Variants in PRKG1 observed in about 807,000 individuals in gnomAD.
PRKG1 encodes protein kinase cGMP-dependent 1, also known as cGMP-dependent protein kinase 1.
A neutral mutation model predicts 88.1 loss-of-function variants in PRKG1; 35 were observed. The ratio of observed to expected loss-of-function variants is 0.40; its 90% CI spans 0.30 to 0.53. PRKG1 has a LOEUF of 0.53. PRKG1 is among the 20% of genes least tolerant of loss of function. The probability of loss-of-function intolerance (pLI) is 0.59; values close to 1 mark genes in which losing one functional copy is unlikely to be tolerated. For synonymous variants in PRKG1, 303 were observed against 292.5 expected, an observed-to-expected ratio of 1.04 and a Z score of -0.37; for missense variants, 540 against 839.8, an observed-to-expected ratio of 0.64 and a Z score of 4.41.
At chr10:51,562,740 T>A (rs1391189617) in intron 3 of PRKG1, among the ~76,000 whole-genome samples, 1 of 152,080 alleles carries the variant, frequency 6.6e-6, no homozygotes, top group Non-Finnish European at 1.5e-5. Context: ...CATTTATCAA[T>A]GTTATTTTTA....
chr10:52,218,210 C>CAA (rs35778588), intron 9 of PRKG1, among the ~76,000 whole-genome samples: 134 of 95,152 alleles, frequency 1.4e-3, no homozygotes, highest in Admixed American at 2.2e-3. Flanking sequence ...GACTCCATCT[C>CAA]AAAAAAAAAA....
At chr10:51,502,356 A>G (rs1841053764) in intron 3 of PRKG1, among the ~76,000 whole-genome samples, 1 of 152,148 alleles carries the variant, frequency 6.6e-6, no homozygotes, top group Admixed American at 6.6e-5. Flanking sequence ...GCTCAGTTTC[A>G]TCAAGTGCCA....
At chr10:51,906,801 A>T (rs1842095595) in intron 4 of PRKG1, among the ~76,000 whole-genome samples, 1 of 152,226 alleles carries the variant, frequency 6.6e-6, no homozygotes, top group Non-Finnish European at 1.5e-5. Flanking sequence ...CACAAGAGAC[A>T]GCTCTACAGG....
chr10:52,198,401 C>T (rs1839567136), intron 9 of PRKG1, among the ~76,000 whole-genome samples: 2 of 152,056 alleles, frequency 1.3e-5, no homozygotes, highest in Non-Finnish European at 2.9e-5. Flanking sequence ...ATGGCATACG[C>T]AGTGTAATCT....
chr10:52,032,913 TG>T (rs1845506592), intron 5 of PRKG1, among the ~76,000 whole-genome samples: 1 of 152,176 alleles, frequency 6.6e-6, no homozygotes, highest in African/African-American at 2.4e-5. Context: ...GACATCCTAA[TG>T]TAGTCTAGGT....
chr10:51,484,244 T>C (rs1277827362), intron 3 of PRKG1, among the ~76,000 whole-genome samples: 6 of 152,156 alleles, frequency 3.9e-5, no homozygotes, highest in Non-Finnish European at 5.9e-5. Flanking sequence ...ATCAAGCCCG[T>C]GTCCCTTTAC....
chr10:52,016,637 T>A (rs1166474679), intron 5 of PRKG1, among the ~76,000 whole-genome samples: 1 of 152,214 alleles, frequency 6.6e-6, no homozygotes, highest in Non-Finnish European at 1.5e-5. Context: ...TTATGAAATG[T>A]GGAAATAATG....
At chr10:51,684,759 C>G (rs1277693195) in intron 3 of PRKG1, among the ~76,000 whole-genome samples, 5 of 152,044 alleles carry the variant, frequency 3.3e-5, no homozygotes, top group African/African-American at 9.7e-5. Flanking sequence ...CCCAGCTACT[C>G]AAGAGACTGA....
intron 3 of PRKG1, among the ~76,000 whole-genome samples, chr10:51,483,687 C>A (rs1352851438): frequency 6.6e-6 from 1 of 152,192 alleles, no homozygotes; most frequent in Non-Finnish European, 1.5e-5. Flanking sequence ...AGGTTGTTGA[C>A]TTCTTAGAAG....
chr10:52,179,571 G>A (rs1298535185), intron 9 of PRKG1, among the ~76,000 whole-genome samples: 2 of 152,108 alleles, frequency 1.3e-5, no homozygotes, highest in Non-Finnish European at 2.9e-5. Context: ...CCTCAGAGAG[G>A]ATGTGTTTTG....
intron 2 of PRKG1, among the ~76,000 whole-genome samples, chr10:51,184,874 AG>A (rs1837445250): frequency 6.6e-6 from 1 of 152,200 alleles, no homozygotes; most frequent in Non-Finnish European, 1.5e-5. Context: ...TTTCAGGCAC[AG>A]AAATGGAGCT....
At chr10:52,126,297 A>G (rs1398344577) in intron 7 of PRKG1, among the ~76,000 whole-genome samples, 3 of 152,120 alleles carry the variant, frequency 2.0e-5, no homozygotes, top group African/African-American at 4.8e-5. Flanking sequence ...TTGTTAAAAT[A>G]ATTGCTGGTT....
At chr10:51,765,309 TTC>T (rs1838129058) in intron 3 of PRKG1, among the ~76,000 whole-genome samples, 1 of 152,206 alleles carries the variant, frequency 6.6e-6, no homozygotes, top group Non-Finnish European at 1.5e-5. Flanking sequence ...TATTTTACAC[TTC>T]TCTCTTATAC....
chr10:51,124,154 C>T (rs2131921584), intron 1 of PRKG1, among the ~76,000 whole-genome samples: 1 of 152,236 alleles, frequency 6.6e-6, no homozygotes, highest in South Asian at 2.1e-4. Flanking sequence ...GGTCAATCTA[C>T]TTTTGATCAG....
chr10:51,071,500 T>C (rs967452710), upstream of PRKG1, among the ~76,000 whole-genome samples: 1 of 152,230 alleles, frequency 6.6e-6, no homozygotes, highest in Admixed American at 6.5e-5. Flanking sequence ...TTCAGCTTTT[T>C]ACTCTATTTG....
chr10:52,146,636 C>T (rs1167366441), intron 8 of PRKG1, among the ~76,000 whole-genome samples: 2 of 152,148 alleles, frequency 1.3e-5, no homozygotes, highest in Non-Finnish European at 2.9e-5. Flanking sequence ...TACCACGTTG[C>T]ATTAGCAATT....
At chr10:51,688,091 C>T (rs952806253) in intron 3 of PRKG1, among the ~76,000 whole-genome samples, 12 of 152,122 alleles carry the variant, frequency 7.9e-5, no homozygotes, top group African/African-American at 2.9e-4. Context: ...TTCTATTTGT[C>T]ATAATATTAA....
intron 7 of PRKG1, among the ~76,000 whole-genome samples, chr10:52,073,975 C>T (rs1846568198): frequency 1.3e-5 from 2 of 152,256 alleles, no homozygotes; most frequent in South Asian, 2.1e-4. Flanking sequence ...TGAATCCTTC[C>T]TCTGAACTTC....
At chr10:51,667,637 G>A (rs1010981313) in intron 3 of PRKG1, among the ~76,000 whole-genome samples, 2 of 152,114 alleles carry the variant, frequency 1.3e-5, no homozygotes, top group Non-Finnish European at 2.9e-5. Context: ...CATCGTAGAA[G>A]TCCTTCTGGG....
Sources: allele counts gnomAD v4.1 joint callset (sites outside exome capture counted in the v4.1 genomes callset), GRCh38; gene constraint gnomAD v4.1.1; transcripts MANE v1.5; gene names NCBI Gene and HGNC (gene_info 2026-07-23, HGNC 2026-07-21).